Variants in PTBP3 observed in about 807,000 individuals in gnomAD.
PTBP3 encodes the protein polypyrimidine tract-binding protein 3.
In PTBP3, 20 loss-of-function variants were observed where a neutral mutation model predicts 58.7. The ratio of observed to expected loss-of-function variants is 0.34; its 90% CI spans 0.24 to 0.50. The LOEUF (loss-of-function observed/expected upper bound fraction) is 0.50, where lower values mean the gene tolerates loss of function less well. PTBP3 is among the 20% of genes least tolerant of loss of function. PTBP3 has a pLI of 0.98. For synonymous variants in PTBP3, 185 were observed against 219.8 expected (o/e 0.84, Z 1.40); for missense variants, 509 against 637.2 (o/e 0.80, Z 2.17).
the PTBP3 span, among the ~76,000 whole-genome samples, chr9:112,343,722 C>T: frequency 1.2e-4 from 18 of 150,660 alleles, no homozygotes; most frequent in South Asian, 2.1e-4. Context: ...ACCCAGGAGG[C>T]GGAGTTTGCA....
At chr9:112,354,221 C>T in the PTBP3 span, among the ~76,000 whole-genome samples, 1 of 152,110 alleles carries the variant, frequency 6.6e-6, no homozygotes, top group South Asian at 2.1e-4. Flanking sequence ...GAAATAATAG[C>T]CCTGTGCAAA....
In PTBP3 at chr9:112,307,311, G is replaced by A. The variant is rs187043476; in HGVS notation, c.-51-9395C>T. 2.9e-3 allele frequency among the ~76,000 whole-genome samples: 445 copies of A among 152,074 alleles called. 3 individuals are homozygous for A. The highest frequency in any genetic ancestry group is 0.01 in the African/African-American group (435 of 41,484). ...CTACCAAAAACACAAAAAATTAGCCGGGCATGGTACCACACACCTGTAGTC... is the reference window on the plus strand; with the variant it reads ...CTACCAAAAACACAAAAAATTAGCCAGGCATGGTACCACACACCTGTAGTC... On this transcript the variant is annotated intron_variant, in intron 1 of 13. Coordinates refer to ENST00000374257, the MANE Select transcript of PTBP3 (RefSeq NM_001163788.4).
chr9:112,284,677 C>A (rs1828030377), intron 2 of PTBP3, among the ~76,000 whole-genome samples: 1 of 152,114 alleles, frequency 6.6e-6, no homozygotes, highest in Non-Finnish European at 1.5e-5. Flanking sequence ...GCCTGGGCAA[C>A]AGAGCAAGAA....
intron 1 of PTBP3, among the ~76,000 whole-genome samples, chr9:112,325,441 G>C (rs1190292703): frequency 2.6e-5 from 4 of 152,068 alleles, no homozygotes; most frequent in Admixed American, 1.3e-4. Context: ...TCTCTTTGCT[G>C]AGAGCTCCCC....
At chr9:112,240,161 T>C (rs1424151469) in intron 7 of PTBP3, among the ~76,000 whole-genome samples, 5 of 152,258 alleles carry the variant, frequency 3.3e-5, no homozygotes, top group African/African-American at 4.8e-5. Flanking sequence ...AATGTAAAGA[T>C]GGGGGCATCC....
chr9:112,251,262 T>C (rs1836103833), intron 6 of PTBP3, among the ~76,000 whole-genome samples, 159 bp from the exon 7 acceptor site: 1 of 152,200 alleles, frequency 6.6e-6, no homozygotes, highest in Admixed American at 6.5e-5. Flanking sequence ...TCATTAACTA[T>C]GAGCCTAAGA....
chr9:112,311,302 A>G lies in PTBP3; in HGVS notation c.-51-13386T>C, dbSNP rs533444401. On this transcript the variant is annotated intron_variant, in intron 1 of 13. Coordinates refer to ENST00000374257, the MANE Select transcript of PTBP3 (RefSeq NM_001163788.4). ...ATATTTGGAAAAAAACTGCATCTGTATAAACATGTACAGACTTTTTTTGTC... is the reference window on the plus strand; with the variant it reads ...ATATTTGGAAAAAAACTGCATCTGTGTAAACATGTACAGACTTTTTTTGTC... Among the ~76,000 whole-genome samples, 11 of 152,310 alleles carry G rather than the reference A, an allele frequency of 7.2e-5. No homozygotes were observed. The South Asian group carries it at 2.1e-3, about 29-fold the overall frequency.
At chr9:112,368,346 T>G in the PTBP3 span, among the ~76,000 whole-genome samples, 1 of 152,132 alleles carries the variant, frequency 6.6e-6, no homozygotes, top group South Asian at 2.1e-4. Context: ...AATTTTTGTA[T>G]TTTTAGTAGA....
intron 2 of PTBP3, among the ~76,000 whole-genome samples, chr9:112,288,680 G>C (rs545548210): frequency 3.5e-4 from 53 of 152,168 alleles, no homozygotes; most frequent in Non-Finnish European, 6.5e-4. Flanking sequence ...GAAATCTACA[G>C]ATCTTTCACA....
chr9:112,250,668 G>A (rs1836074509), intron 7 of PTBP3, among the ~76,000 whole-genome samples: 1 of 152,090 alleles, frequency 6.6e-6, no homozygotes, highest in East Asian at 1.9e-4. Context: ...GAAGCAAATG[G>A]TTTGTGGCTT....
chr9:112,329,390 TGGGCAACA>T (rs1269033398), intron 1 of PTBP3, among the ~76,000 whole-genome samples: 1 of 146,642 alleles, frequency 6.8e-6, no homozygotes, highest in East Asian at 2.0e-4. Context: ...TTCCCCAGCC[TGGGCAACA>T]GGGAGGCTCC....
At chr9:112,313,534 C>A (rs1319196729) in intron 1 of PTBP3, among the ~76,000 whole-genome samples, 1 of 152,190 alleles carries the variant, frequency 6.6e-6, no homozygotes, top group Admixed American at 6.5e-5. Context: ...CTGGACATGG[C>A]TTAGCTAGGT....
At chr9:112,341,086 T>G in the PTBP3 span, among the ~76,000 whole-genome samples, 5 of 151,892 alleles carry the variant, frequency 3.3e-5, no homozygotes, top group African/African-American at 1.2e-4. Flanking sequence ...TCTTGTGGGG[T>G]TTTTTGTTTT....
At chr9:112,233,329 C>G (rs1835319881) in intron 8 of PTBP3, among the ~76,000 whole-genome samples, 2 of 148,220 alleles carry the variant, frequency 1.3e-5, no homozygotes, top group South Asian at 4.4e-4. Flanking sequence ...CTTCTATCAG[C>G]TTAAAAGTCT....
chr9:112,253,901 AG>A (rs1437500209), intron 5 of PTBP3, among the ~76,000 whole-genome samples: 2 of 152,210 alleles, frequency 1.3e-5, no homozygotes, highest in African/African-American at 4.8e-5. Flanking sequence ...ACCCAGTCTC[AG>A]GGAGTATCTT....
Position 112,223,777 on chromosome 9 carries a change from G to C in PTBP3, c.*74C>G. 6.3e-7 allele frequency: 1 copy of C among 1,593,802 alleles called. No homozygotes were observed. Among genetic ancestry groups the C allele is most frequent in the South Asian group, 1.1e-5 (1 of 88,732 alleles). ...TTGTGAAAGAGGCAAAATTGGTCTTGAGCTGCTTCAGTCTATGTCTGAAGG... is the reference window on the plus strand; with the variant it reads ...TTGTGAAAGAGGCAAAATTGGTCTTCAGCTGCTTCAGTCTATGTCTGAAGG... On this transcript the variant is annotated 3_prime_UTR_variant, in exon 14 of 14. Transcript: ENST00000374257.
At chr9:112,265,019 G>T (rs924699971) in intron 4 of PTBP3, among the ~76,000 whole-genome samples, 1 of 152,104 alleles carries the variant, frequency 6.6e-6, no homozygotes, top group African/African-American at 2.4e-5. Flanking sequence ...AAGAATCAGA[G>T]TAATATAATT....
intron 1 of PTBP3, among the ~76,000 whole-genome samples, chr9:112,331,263 T>A (rs547859630): frequency 6.6e-6 from 1 of 152,150 alleles, no homozygotes; most frequent in African/African-American, 2.4e-5. Flanking sequence ...ATTAGTCTCC[T>A]GAAGGCAAAA....
Position 112,222,226 on chromosome 9 carries a change from TGAA to T in PTBP3, c.*1622_*1624del, listed in dbSNP as rs1834832875. ...GCTTTAAAAAATTCTGATCAACAAT[TGAA>T]GAAATAATAGCAAAGTTTCTTATTA... On this transcript the variant is annotated 3_prime_UTR_variant, in exon 14 of 14. Transcript: ENST00000374257. 22 of 978,786 alleles carry T rather than the reference TGAA, an allele frequency of 2.2e-5. No homozygotes were observed. Among genetic ancestry groups the T allele is most frequent in the Non-Finnish European group, 2.6e-5 (21 of 823,514 alleles). 60.6% of individuals were successfully genotyped at this position (978,786 alleles called of 1,614,324 possible).
Sources: allele counts gnomAD v4.1 joint callset (sites outside exome capture counted in the v4.1 genomes callset), GRCh38; gene constraint gnomAD v4.1.1; transcripts MANE v1.5; gene names NCBI Gene and HGNC (gene_info 2026-07-23, HGNC 2026-07-21).